KCNT2: variants seen among roughly 807,000 people sequenced by gnomAD.
KCNT2 encodes the protein potassium channel subfamily T member 2.
A neutral mutation model predicts 153.8 loss-of-function variants in KCNT2; 67 were observed. The observed-to-expected ratio is 0.44, with a 90% confidence interval of 0.36 to 0.53. The LOEUF (loss-of-function observed/expected upper bound fraction) is 0.53. Ranked by LOEUF, KCNT2 falls within the 20% of genes least tolerant of loss-of-function variation. The pLI, the probability that KCNT2 is intolerant of heterozygous loss-of-function variation, is 0.00. For missense variants in KCNT2, 975 were observed against 1,354.8 expected, an observed-to-expected ratio of 0.72 and a Z score of 4.40; for synonymous variants, 500 against 458.8, an observed-to-expected ratio of 1.09 and a Z score of -1.15.
At chr1:196,242,854 A>G (rs1016374505) in intron 26 of KCNT2, among the ~76,000 whole-genome samples, 7 of 152,152 alleles carry the variant, frequency 4.6e-5, no homozygotes, top group African/African-American at 1.7e-4. Context: ...TTCCTATATA[A>G]CTTTAAACAT....
intron 1 of KCNT2, among the ~76,000 whole-genome samples, chr1:196,511,626 C>G (rs908029557): frequency 3.3e-5 from 5 of 152,090 alleles, no homozygotes; most frequent in African/African-American, 1.2e-4. Flanking sequence ...GCCAGAACTC[C>G]AAATCAAGGT....
At chr1:196,313,461 C>A (rs914054401) in intron 21 of KCNT2, among the ~76,000 whole-genome samples, 1 of 151,434 alleles carries the variant, frequency 6.6e-6, no homozygotes, top group Non-Finnish European at 1.5e-5. Flanking sequence ...AAATCAGGAA[C>A]TAAAATCTCC....
chr1:196,449,242 C>G (rs535217329), intron 8 of KCNT2, among the ~76,000 whole-genome samples: 1 of 151,646 alleles, frequency 6.6e-6, no homozygotes, highest in Non-Finnish European at 1.5e-5. Flanking sequence ...CTAGAGGGAA[C>G]AAGCTCATAT....
chr1:196,368,945 T>A (rs1668269382), intron 14 of KCNT2, among the ~76,000 whole-genome samples: 1 of 152,158 alleles, frequency 6.6e-6, no homozygotes, highest in Non-Finnish European at 1.5e-5. Flanking sequence ...TACTGTCCAG[T>A]GTCAATAAGT....
At chr1:196,573,952 A>G (rs551109003) in intron 1 of KCNT2, among the ~76,000 whole-genome samples, 4 of 150,582 alleles carry the variant, frequency 2.7e-5, no homozygotes, top group African/African-American at 9.7e-5. Flanking sequence ...TTGAAGGGGG[A>G]GAGAGAGAGA....
intron 8 of KCNT2, among the ~76,000 whole-genome samples, chr1:196,430,509 C>T (rs1346601878): frequency 6.6e-6 from 1 of 151,932 alleles, no homozygotes; most frequent in African/African-American, 2.4e-5. Context: ...AAGGCCCTCA[C>T]CAGTTGCCAG....
chr1:196,584,401 T>G (rs1662426209), intron 1 of KCNT2, among the ~76,000 whole-genome samples: 2 of 152,042 alleles, frequency 1.3e-5, no homozygotes, highest in African/African-American at 4.8e-5. Context: ...AATGAGCAGC[T>G]TTTATTAAAA....
chr1:196,569,185 ATT>A (rs1272101649), intron 1 of KCNT2, among the ~76,000 whole-genome samples: 1 of 152,040 alleles, frequency 6.6e-6, no homozygotes, highest in Non-Finnish European at 1.5e-5. Context: ...ATGTTGTTAT[ATT>A]TTTTAATTTA....
At chr1:196,517,998 T>C (rs1415589763) in intron 1 of KCNT2, among the ~76,000 whole-genome samples, 1 of 151,996 alleles carries the variant, frequency 6.6e-6, no homozygotes, top group Non-Finnish European at 1.5e-5. Flanking sequence ...GAAAGAATAT[T>C]AAAGGCAGCT....
chr1:196,581,986 C>T (rs796327197), intron 1 of KCNT2, among the ~76,000 whole-genome samples: 7 of 152,138 alleles, frequency 4.6e-5, no homozygotes, highest in African/African-American at 1.7e-4. Flanking sequence ...ATAATACTGC[C>T]AGTTCTTCAG....
Position 196,557,230 on chromosome 1 carries a change from C to T in KCNT2, c.95+50985G>A, listed in dbSNP as rs112468940. Among the ~76,000 whole-genome samples the T allele has an allele frequency of 3.4e-3, 513 of 151,166 alleles. 2 individuals carry two copies. The highest frequency in any genetic ancestry group is 0.012 in the African/African-American group (482 of 41,394). ...GATTATTATGCATCATGTACCTGTACGAAAATATCTCATATACCCCTGAAA... is the reference window on the plus strand; with the variant it reads ...GATTATTATGCATCATGTACCTGTATGAAAATATCTCATATACCCCTGAAA... On this transcript the variant is annotated intron_variant, in intron 1 of 27. Coordinates refer to ENST00000294725, the MANE Select transcript of KCNT2 (RefSeq NM_198503.5).
rs149326710 is a variant in KCNT2 at position 196,471,614 on chromosome 1, T to C, written c.385-2546A>G. 1.2e-3 allele frequency among the ~76,000 whole-genome samples: 186 copies of C among 152,242 alleles called. 1 individual carries two copies. The highest frequency in any genetic ancestry group is 4.2e-3 in the African/African-American group (176 of 41,558). Reference sequence around the variant, plus strand: ...CAAGAAAGGAGGGTTATGGGACCAGTTGCTGCTAGTGATATGAAAGGCTAT... The same window carrying C: ...CAAGAAAGGAGGGTTATGGGACCAGCTGCTGCTAGTGATATGAAAGGCTAT... On this transcript the variant is annotated intron_variant, in intron 5 of 27. Transcript: ENST00000294725.
At chr1:196,603,569 C>T (rs1294814330) in intron 1 of KCNT2, among the ~76,000 whole-genome samples, 1 of 152,030 alleles carries the variant, frequency 6.6e-6, no homozygotes, top group Non-Finnish European at 1.5e-5. Context: ...TTGTAAATAC[C>T]TCTTAAACTG....
At chr1:196,578,131 T>G (rs951636100) in intron 1 of KCNT2, among the ~76,000 whole-genome samples, 24 of 152,118 alleles carry the variant, frequency 1.6e-4, no homozygotes, top group African/African-American at 4.6e-4. Flanking sequence ...CTATTGATAT[T>G]TTTTAAGTAT....
chr1:196,321,553 C>A (rs1471838923), intron 19 of KCNT2, among the ~76,000 whole-genome samples: 1 of 151,892 alleles, frequency 6.6e-6, no homozygotes, highest in Non-Finnish European at 1.5e-5. Context: ...TATGTACTTA[C>A]AATGGGCAAG....
At chr1:196,576,533 G>A (rs892106166) in intron 1 of KCNT2, among the ~76,000 whole-genome samples, 2 of 152,016 alleles carry the variant, frequency 1.3e-5, no homozygotes, top group African/African-American at 4.8e-5. Context: ...TTCTTAGTGT[G>A]TGATTTCTAA....
At chr1:196,288,870 C>A (rs1659921508) in intron 22 of KCNT2, among the ~76,000 whole-genome samples, 1 of 152,012 alleles carries the variant, frequency 6.6e-6, no homozygotes, top group Non-Finnish European at 1.5e-5. Context: ...ATACAACATA[C>A]AATGGTTTGG....
intron 1 of KCNT2, among the ~76,000 whole-genome samples, chr1:196,502,025 G>C (rs918563485): frequency 2.6e-5 from 4 of 152,270 alleles, no homozygotes; most frequent in African/African-American, 7.2e-5. Flanking sequence ...GCAGAGGCAG[G>C]AGAATTGCTT....
Position 196,467,727 on chromosome 1 carries a change from G to A in KCNT2, c.519C>T (p.Ala173=). The A allele has an allele frequency of 6.2e-7, 1 of 1,604,274 alleles. No homozygotes were observed. The highest frequency in any genetic ancestry group is 8.5e-7 in the Non-Finnish European group (1 of 1,173,116). The change falls in exon 7 of 28, where the codon GCC becomes GCT. Residue 173 remains alanine, a synonymous_variant. Coordinates refer to ENST00000294725, the MANE Select transcript of KCNT2 (RefSeq NM_198503.5). ...CAATCATATTTTCCAAGGCATGTTT[G>A]GCAAGCCAACAGTTCAGAAAGACTG... ...FVPVFLNCWL[A]KHALENMIND...
Sources: gnomAD v4.1 joint callset for allele counts (sites outside exome capture counted in the v4.1 genomes callset) on GRCh38, gnomAD v4.1.1 for gene constraint, MANE v1.5 for transcripts, NCBI Gene and HGNC (gene_info 2026-07-23, HGNC 2026-07-21) for gene names.